IK: variants seen among roughly 807,000 people sequenced by gnomAD.
The protein encoded by IK is protein Red.
IK carries 47 observed loss-of-function variants against 90.9 expected under a neutral mutation model. That is an observed-to-expected ratio of 0.52 (90% CI 0.41 to 0.66). The LOEUF is 0.66. IK is among the 30% of genes least tolerant of loss of function. The pLI is 0.00. For synonymous variants in IK, 201 were observed against 227.5 expected (o/e 0.88, Z 1.05); for missense variants, 385 against 709.3 (o/e 0.54, Z 5.19).
chr5:140,650,849 G>A (rs934046700), intron 2 of IK, among the ~76,000 whole-genome samples: 9 of 152,126 alleles, frequency 5.9e-5, no homozygotes, highest in Admixed American at 2.0e-4. Context: ...AAAGTGCGGC[G>A]ATTATAGGTG....
At position 140,652,137 on chromosome 5, in the gene IK, AAAAAG is replaced by A; in HGVS notation, c.232_236del (p.Lys78LeufsTer11). ...TGAAGACCCAGCTGCACGAAGGAGGAAAAAGAAAAGGTGAAGGAAGGGTGAAGGGT... is the reference window on the plus strand; with the variant it reads ...TGAAGACCCAGCTGCACGAAGGAGGAAAAAGGTGAAGGAAGGGTGAAGGGT... On this transcript the variant is annotated frameshift_variant, in exon 4 of 20. Transcript: ENST00000417647. LOFTEE classifies it high-confidence loss of function. 8 of 1,613,314 alleles carry A rather than the reference AAAAAG, an allele frequency of 5.0e-6. No individual in the cohort carries two copies. The highest frequency in any genetic ancestry group is 6.8e-6 in the Non-Finnish European group (8 of 1,179,282).
Position 140,661,875 on chromosome 5 carries a change from T to G in IK, c.1503-24T>G. 6.3e-7 allele frequency: 1 copy of G among 1,583,562 alleles called. No individual in the cohort carries two copies. The highest frequency in any genetic ancestry group is 8.6e-7 in the Non-Finnish European group (1 of 1,162,194). ...CCACTGCTATGCAATCTCTGATGCA[T>G]TCTTTCCCAACTGCTTTTTTCAGGG... is the stretch of plus-strand genomic sequence containing the variant. On this transcript the variant is annotated intron_variant, in intron 17 of 19. Transcript: ENST00000417647. This position sits in a 1 kb window ranked among gnomAD's most constrained non-coding sequence, Gnocchi z 4.2.
rs550185770 is a variant in IK, at chr5:140,659,056, A to G, written c.1068A>G (p.Arg356=). The G allele has an allele frequency of 2.5e-6, 4 of 1,611,398 alleles. No homozygotes were observed. In the African/African-American group the frequency reaches 5.3e-5, roughly 22 times the overall value. ...RDRERDRDRD[R]ERERERDRER... The stretch of plus-strand genomic sequence containing the variant: ...GGGAAAGAGACAGAGACCGTGACCG[A>G]GAGCGAGAGCGAGAACGAGATCGGG... Residue 356 remains arginine, a synonymous_variant, in exon 12 of 20, where the codon CGA becomes CGG. Coordinates refer to ENST00000417647, the MANE Select transcript of IK (RefSeq NM_006083.4).
Position 140,651,614 on chromosome 5 carries a change from G to A in IK, c.84-100G>A, listed in dbSNP as rs543050074. The A allele has an allele frequency of 2.8e-4, 179 of 643,110 alleles. No homozygotes were observed. In the South Asian group the frequency reaches 3.3e-3, roughly 12 times the overall value. The allele number at this position is 643,110 out of a possible 1,614,324, so 39.8% of individuals were successfully genotyped here. A position where few individuals can be genotyped will look rare whatever the true frequency, so the allele number is the denominator to read the frequency against. ...CAGTGTCATATCTTTGTTTTAATTT[G>A]TATTTCCCTGATTTCTGTTAATTTA... On this transcript the variant is annotated intron_variant, in intron 2 of 19. Coordinates refer to ENST00000417647, the MANE Select transcript of IK (RefSeq NM_006083.4).
rs564043848 is a variant in IK, at chr5:140,661,500, G to T, written c.1414-120G>T. 61 of 659,720 alleles carry T rather than the reference G, an allele frequency of 9.2e-5. No homozygotes were observed. The South Asian group carries it at 1.1e-3, about 12-fold the overall frequency. The allele number at this position is 659,720 out of a possible 1,614,324, so 40.9% of individuals were successfully genotyped here. A position where few individuals can be genotyped will look rare whatever the true frequency, so the allele number is the denominator to read the frequency against. On this transcript the variant is annotated intron_variant, in intron 16 of 19. Coordinates refer to ENST00000417647, the MANE Select transcript of IK (RefSeq NM_006083.4). This position sits in a 1 kb window ranked among gnomAD's most constrained non-coding sequence, Gnocchi z 4.2. ...TAAGCATTTATTATTACTTATCAGG[G>T]TATGATTTATGAATTGTGGAACCTG...
intron 18 of IK, 58 bp downstream of exon 18, chr5:140,662,065 C>A (rs1233880191): frequency 6.4e-7 from 1 of 1,563,930 alleles, no homozygotes; most frequent in Non-Finnish European, 8.7e-7. Context: ...CATTAGCCTG[C>A]AGATTCAGGA....
intron 10 of IK, 64 bp from the exon 11 acceptor site, chr5:140,658,673 G>A (rs1350874109): frequency 7.7e-7 from 1 of 1,290,824 alleles, no homozygotes; most frequent in Non-Finnish European, 1.1e-6. Flanking sequence ...AGCTGGAGAG[G>A]ATGGTGAAGT....
At chr5:140,649,900 G>A (rs1757585946) in intron 2 of IK, among the ~76,000 whole-genome samples, 1 of 152,164 alleles carries the variant, frequency 6.6e-6, no homozygotes, top group Non-Finnish European at 1.5e-5. Context: ...ACATTGCTTT[G>A]TGATTTAAAA....
chr5:140,651,976 G>A (rs1757623279), intron 3 of IK, 112 bp from the exon 4 acceptor site: 1 of 903,556 alleles, frequency 1.1e-6, no homozygotes, highest in African/African-American at 1.7e-5. Flanking sequence ...TTGATTGAAA[G>A]TGTTACTTTG....
intron 2 of IK, 116 bp from the exon 3 acceptor site, chr5:140,651,598 A>C: frequency 1.6e-6 from 1 of 614,196 alleles, no homozygotes; most frequent in Non-Finnish European, 2.9e-6. Flanking sequence ...ACAGTGTCAT[A>C]TCTTTGTTTT....
chr5:140,656,477 G>A (rs190984420), intron 9 of IK, among the ~76,000 whole-genome samples: 165 of 152,244 alleles, frequency 1.1e-3, no homozygotes, highest in African/African-American at 3.6e-3. Context: ...GAGCCACTGC[G>A]CCAGTCCTCT....
chr5:140,651,908 A>G, intron 3 of IK, 102 bp downstream of exon 3: 2 of 856,816 alleles, frequency 2.3e-6, no homozygotes, highest in Non-Finnish European at 3.9e-6. Flanking sequence ...TCAGGTATTT[A>G]TGATACTCTC....
In IK at chr5:140,656,059, C is replaced by A; in HGVS notation, c.801+67C>A. ...AGCCTGGGAATCAGCCTGGCCTCTG[C>A]CCCGTGTCCCTTGTCCACCATGTCA... On this transcript the variant is annotated intron_variant, in intron 9 of 19. Transcript: ENST00000417647. The A allele has an allele frequency of 4.1e-6, 6 of 1,452,360 alleles. No homozygotes were observed. The South Asian group carries it at 7.5e-5, about 18-fold the overall frequency. The allele number at this position is 1,452,360 out of a possible 1,614,324, so 90.0% of individuals were successfully genotyped here.
At chr5:140,658,657 A>T (rs1003816323) in intron 10 of IK, 80 bp from the exon 11 acceptor site, 8 of 1,158,998 alleles carry the variant, frequency 6.9e-6, no homozygotes, top group Non-Finnish European at 1.0e-5. Flanking sequence ...TTAAAAGGGC[A>T]TTAAGAGCTG....
intron 8 of IK, 109 bp downstream of exon 8, chr5:140,654,836 C>T: frequency 1.3e-6 from 1 of 781,706 alleles, no homozygotes; most frequent in South Asian, 1.8e-5. Flanking sequence ...TTTCTTCTTT[C>T]TTTCTTTTTG....
At chr5:140,648,635 T>A in intron 2 of IK, 98 bp downstream of exon 2, 1 of 1,234,130 alleles carries the variant, frequency 8.1e-7, no homozygotes, top group South Asian at 1.2e-5. Flanking sequence ...TCATCAAGGA[T>A]GGTAAAAAAT....
chr5:140,652,261 C>T (rs1757626920), intron 4 of IK, 114 bp downstream of exon 4: 1 of 774,750 alleles, frequency 1.3e-6, no homozygotes, highest in Non-Finnish European at 2.2e-6. Flanking sequence ...TCTCTACTTT[C>T]TTAATGAAAC....
chr5:140,648,734 G>A (rs1757547476), intron 2 of IK, 197 bp downstream of exon 2: 1 of 534,342 alleles, frequency 1.9e-6, no homozygotes, highest in Non-Finnish European at 3.3e-6. Flanking sequence ...TGCAGGAAAG[G>A]TGTTAAGTTT....
chr5:140,652,133 G>A lies in IK; in HGVS notation c.222G>A (p.Arg74=). The part of the protein sequence containing the change: ...YNEDEDPAAR[R]RKKKSYYAKL... ...AGGATGAAGACCCAGCTGCACGAAG[G>A]AGGAAAAAGAAAAGGTGAAGGAAGG... Residue 74 remains arginine, a synonymous_variant, in exon 4 of 20, where the codon AGG becomes AGA. Coordinates refer to ENST00000417647, the MANE Select transcript of IK (RefSeq NM_006083.4). 6.2e-7 allele frequency: 1 copy of A among 1,613,592 alleles called. No homozygotes were observed.
Sources: gnomAD v4.1 joint callset for allele counts (sites outside exome capture counted in the v4.1 genomes callset) on GRCh38, gnomAD v4.1.1 for gene constraint, Gnocchi (gnomAD v3.1) non-coding constraint, MANE v1.5 for transcripts, NCBI Gene and HGNC (gene_info 2026-07-23, HGNC 2026-07-21) for gene names.